The following FAM131A variants were observed in gnomAD, a reference collection of about 807,000 sequenced individuals.
FAM131A encodes the protein protein FAM131A.
Under a neutral mutation model 39.2 loss-of-function variants are expected in FAM131A, and 24 were observed. That is an observed-to-expected ratio of 0.61 (90% confidence interval 0.44 to 0.86). FAM131A has a LOEUF of 0.86. Among genes scored for constraint, FAM131A ranks in the 40% least tolerant of loss-of-function variants. FAM131A has a pLI of 0.00. For synonymous variants in FAM131A, 202 were observed against 206.8 expected, an observed-to-expected ratio of 0.98 and a Z score of 0.20; for missense variants, 373 against 481.2, an observed-to-expected ratio of 0.78 and a Z score of 2.10.
chr3:184,344,131 A>G (rs1224521527), intron 5 of FAM131A, among the ~76,000 whole-genome samples: 1 of 152,080 alleles, frequency 6.6e-6, no homozygotes, highest in Non-Finnish European at 1.5e-5. Context: ...GATTATAGGG[A>G]TGTGCCACCA....
chr3:184,342,001 C>A lies in FAM131A; in HGVS notation c.326-65C>A. Reference sequence around the variant, plus strand: ...ATCCTAACTACTGCCACCCTTCCACCTCCCTGCACCTGTGCTCCCTGGCCT... The same window carrying A: ...ATCCTAACTACTGCCACCCTTCCACATCCCTGCACCTGTGCTCCCTGGCCT... On this transcript the variant is annotated intron_variant, in intron 3 of 5. Transcript: ENST00000383847. This position sits in a 1 kb window ranked among gnomAD's most constrained non-coding sequence, Gnocchi z 4.6. The A allele has an allele frequency of 6.3e-7, 1 of 1,596,734 alleles. No individual in the cohort carries two copies. Among genetic ancestry groups the A allele is most frequent in the Non-Finnish European group, 8.6e-7 (1 of 1,164,156 alleles).
In FAM131A at chr3:184,342,675, C is replaced by G; in HGVS notation, c.509-69C>G. On this transcript the variant is annotated intron_variant, in intron 4 of 5. Transcript: ENST00000383847. The surrounding 1 kb of genome is among the most constrained non-coding windows in gnomAD (Gnocchi z 4.6). ...TCTTCCCATACCCTGTTTCTCCTCTCTCCTGTCTTCAAGCTGAGCCCTAGA... is the reference window on the plus strand; with the variant it reads ...TCTTCCCATACCCTGTTTCTCCTCTGTCCTGTCTTCAAGCTGAGCCCTAGA... 7.2e-7 allele frequency: 1 copy of G among 1,396,254 alleles called. No individual in the cohort carries two copies. The highest frequency in any genetic ancestry group is 1.0e-6 in the Non-Finnish European group (1 of 996,070). The allele number at this position is 1,396,254 out of a possible 1,614,324, so 86.5% of individuals were successfully genotyped here. A position where few individuals can be genotyped will look rare whatever the true frequency, so the allele number is the denominator to read the frequency against.
chr3:184,344,191 G>T (rs1462966183), intron 5 of FAM131A, among the ~76,000 whole-genome samples: 1 of 152,162 alleles, frequency 6.6e-6, no homozygotes, highest in African/African-American at 2.4e-5. Context: ...CTCCATGTTG[G>T]TCAGGCTGGT....
rs1273552969 is a variant in FAM131A, at chr3:184,345,663, CCCCCTAATGGGGCCTGGG to C, written c.*697_*714del. ...CATGTACCCTCCACCCTTTTCCTGG[CCCCCTAATGGGGCCTGGG>C]CCCTTTCCCAACCCCTCCTAGGATG... On this transcript the variant is annotated 3_prime_UTR_variant, in exon 6 of 6. Transcript: ENST00000383847. The C allele has an allele frequency of 3.0e-6, 2 of 677,346 alleles. No homozygotes were observed. Among genetic ancestry groups the C allele is most frequent in the Non-Finnish European group, 5.3e-6 (2 of 374,508 alleles). 42.0% of individuals were successfully genotyped at this position (677,346 alleles called of 1,614,324 possible).
chr3:184,338,416 T>C lies in FAM131A; in HGVS notation c.118T>C (p.Trp40Arg), dbSNP rs1727215591. The change falls in exon 2 of 6, where the codon TGG becomes CGG. Residue 40 changes from tryptophan (W) to arginine (R), a missense_variant. Physicochemically the swap from Trp to Arg is moderately radical, Grantham distance 101. Coordinates refer to ENST00000383847, the MANE Select transcript of FAM131A (RefSeq NM_144635.5). ...VSSDPAWAVEWIELPRGLSLS... is the reference protein window; with the variant it reads ...VSSDPAWAVERIELPRGLSLS... ...CTCGGACCCCGCTTGGGCTGTGGAG[T>C]GGATCGAACTTCCTCGGGGTCTCTC... The C allele has an allele frequency of 6.8e-7, 1 of 1,478,284 alleles. No individual in the cohort carries two copies. The highest frequency in any genetic ancestry group is 1.4e-5 in the African/African-American group (1 of 70,582). 91.6% of individuals were successfully genotyped at this position (1,478,284 alleles called of 1,614,324 possible).
At position 184,346,254 on chromosome 3, in the gene FAM131A, TA is replaced by T. The variant is rs1727658833; in HGVS notation, c.*1289del. On this transcript the variant is annotated 3_prime_UTR_variant, in exon 6 of 6. Transcript: ENST00000383847. This position sits in a 1 kb window ranked among gnomAD's most constrained non-coding sequence, Gnocchi z 6.0. ...AAGAATTTGTTTTATTAAATTAATA[TA>T]AAAATCTTTGTAAATCTCTATATAC... 3.5e-6 allele frequency: 1 copy of T among 284,372 alleles called. No homozygotes were observed. The allele number at this position is 284,372 out of a possible 1,614,324, so 17.6% of individuals were successfully genotyped here. A position where few individuals can be genotyped will look rare whatever the true frequency, so the allele number is the denominator to read the frequency against.
chr3:184,342,658 T>C lies in FAM131A; in HGVS notation c.509-86T>C. 1 of 1,223,496 alleles carries C rather than the reference T, an allele frequency of 8.2e-7. No individual in the cohort carries two copies. The allele number at this position is 1,223,496 out of a possible 1,614,324, so 75.8% of individuals were successfully genotyped here. Reference sequence around the variant, plus strand: ...TGACATGGGGGTTGGAGTCTTCCCATACCCTGTTTCTCCTCTCTCCTGTCT... The same window carrying C: ...TGACATGGGGGTTGGAGTCTTCCCACACCCTGTTTCTCCTCTCTCCTGTCT... On this transcript the variant is annotated intron_variant, in intron 4 of 5. Coordinates refer to ENST00000383847, the MANE Select transcript of FAM131A (RefSeq NM_144635.5). This position sits in a 1 kb window ranked among gnomAD's most constrained non-coding sequence, Gnocchi z 4.6.
In FAM131A at chr3:184,342,434, A is replaced by G. The variant is rs543224776; in HGVS notation, c.508+186A>G. 2.8e-4 allele frequency among the ~76,000 whole-genome samples: 43 copies of G among 152,176 alleles called. No homozygotes were observed. The highest frequency in any genetic ancestry group is 5.6e-4 in the Non-Finnish European group (38 of 67,986). On this transcript the variant is annotated intron_variant, in intron 4 of 5. Transcript: ENST00000383847. The surrounding 1 kb of genome is among the most constrained non-coding windows in gnomAD (Gnocchi z 4.6). ...GCGATTCTCCTGCCTCAGCCTCCCAAGTAGCTGGGATTACAGTTGCCTGCC... is the reference window on the plus strand; with the variant it reads ...GCGATTCTCCTGCCTCAGCCTCCCAGGTAGCTGGGATTACAGTTGCCTGCC...
chr3:184,341,931 C>A, intron 3 of FAM131A, 114 bp downstream of exon 3: 1 of 1,496,736 alleles, frequency 6.7e-7, no homozygotes, highest in Non-Finnish European at 9.3e-7. Context: ...TCTTCCCTTG[C>A]TCAGGTGAAT....
In FAM131A at chr3:184,345,099, TCTC is replaced by T. The variant is rs1727579338; in HGVS notation, c.*131_*133del. The T allele has an allele frequency of 2.3e-6, 2 of 878,958 alleles. No homozygotes were observed. The highest frequency in any genetic ancestry group is 3.4e-5 in the African/African-American group (2 of 59,102). 54.4% of individuals were successfully genotyped at this position (878,958 alleles called of 1,614,324 possible). ...TAGAGGGCTCCTGGGAGCGCTCGCT[TCTC>T]CGTTGTGTGTTTTGCATGAAAGTGT... On this transcript the variant is annotated 3_prime_UTR_variant, in exon 6 of 6. Transcript: ENST00000383847.
rs894931526 is a variant in FAM131A at position 184,342,620 on chromosome 3, A to G, written c.509-124A>G. The G allele has an allele frequency of 8.3e-6, 7 of 845,916 alleles. No individual in the cohort carries two copies. The highest frequency in any genetic ancestry group is 1.7e-5 in the South Asian group (1 of 58,880). The allele number at this position is 845,916 out of a possible 1,614,324, so 52.4% of individuals were successfully genotyped here. On this transcript the variant is annotated intron_variant, in intron 4 of 5. Coordinates refer to ENST00000383847, the MANE Select transcript of FAM131A (RefSeq NM_144635.5). This position sits in a 1 kb window ranked among gnomAD's most constrained non-coding sequence, Gnocchi z 4.6. Reference sequence around the variant, plus strand: ...CACACCCGGCCAGGGCTGCTTTCTTATCTCCTCGGGTCTGACATGGGGGTT... The same window carrying G: ...CACACCCGGCCAGGGCTGCTTTCTTGTCTCCTCGGGTCTGACATGGGGGTT...
chr3:184,341,818 G>T lies in FAM131A; in HGVS notation c.325+1G>T. On this transcript the variant is annotated splice_donor_variant, in intron 3 of 5. Coordinates refer to ENST00000383847, the MANE Select transcript of FAM131A (RefSeq NM_144635.5). LOFTEE classifies it high-confidence loss of function. Reference sequence around the variant, plus strand: ...GCGCTGGCCAGGTCCTCCCTGCATGGTATGCAGCCCCTCCCATGTTTCTGG... The same window carrying T: ...GCGCTGGCCAGGTCCTCCCTGCATGTTATGCAGCCCCTCCCATGTTTCTGG... 6.2e-7 allele frequency: 1 copy of T among 1,613,978 alleles called. No individual in the cohort carries two copies. Among genetic ancestry groups the T allele is most frequent in the Non-Finnish European group, 8.5e-7 (1 of 1,179,846 alleles).
Position 184,342,280 on chromosome 3 carries a change from T to G in FAM131A, c.508+32T>G, listed in dbSNP as rs371092672. The stretch of plus-strand genomic sequence containing the variant: ...GGCAGAAAGGGGATAAGCTACACTC[T>G]TGGCACAGGGCTGCTTTCTTTCTTT... On this transcript the variant is annotated intron_variant, in intron 4 of 5. Coordinates refer to ENST00000383847, the MANE Select transcript of FAM131A (RefSeq NM_144635.5). This position sits in a 1 kb window ranked among gnomAD's most constrained non-coding sequence, Gnocchi z 4.6. 4 of 1,555,226 alleles carry G rather than the reference T, an allele frequency of 2.6e-6. No individual in the cohort carries two copies. In the African/African-American group the frequency reaches 5.5e-5, roughly 21 times the overall value.
At chr3:184,340,723 G>T (rs919616967) in intron 2 of FAM131A, 1 of 152,320 alleles carries the variant, frequency 6.6e-6, no homozygotes, top group African/African-American at 2.4e-5. Context: ...AAGAGCCAAA[G>T]ACCAGTGAGG....
In FAM131A at chr3:184,345,368, CCT is replaced by C; in HGVS notation, c.*405_*406del. 1 of 604,940 alleles carries C rather than the reference CCT, an allele frequency of 1.7e-6. No individual in the cohort carries two copies. The highest frequency in any genetic ancestry group is 2.9e-6 in the Non-Finnish European group (1 of 341,958). 37.5% of individuals were successfully genotyped at this position (604,940 alleles called of 1,614,324 possible). ...CCAGCAACCCCCCACCCTCCCCATGCCTCTCTCTTCTCTGCTTTTCTTCTCAC... is the reference window on the plus strand; with the variant it reads ...CCAGCAACCCCCCACCCTCCCCATGCCTCTCTTCTCTGCTTTTCTTCTCAC... On this transcript the variant is annotated 3_prime_UTR_variant, in exon 6 of 6. Coordinates refer to ENST00000383847, the MANE Select transcript of FAM131A (RefSeq NM_144635.5).
chr3:184,338,631 C>G, intron 2 of FAM131A, 102 bp downstream of exon 2: 1 of 1,461,340 alleles, frequency 6.8e-7, no homozygotes, highest in Non-Finnish European at 9.1e-7. Flanking sequence ...GCTCCCTTTT[C>G]CGGCGGGCGG....
chr3:184,338,341 T>C, intron 1 of FAM131A, 46 bp from the exon 2 acceptor site: 1 of 1,413,772 alleles, frequency 7.1e-7, no homozygotes, highest in East Asian at 2.6e-5. Flanking sequence ...TGGGGATCTC[T>C]GCAGAAGTAG....
intron 2 of FAM131A, chr3:184,339,897 T>C (rs2108542963): frequency 6.6e-6 from 1 of 152,616 alleles, no homozygotes; most frequent in East Asian, 1.9e-4. Context: ...GACAGTAGCG[T>C]AGGCTAGACA....
upstream of FAM131A, among the ~76,000 whole-genome samples, chr3:184,336,883 G>A (rs571364313): frequency 3.3e-5 from 5 of 152,374 alleles, no homozygotes; most frequent in South Asian, 4.1e-4. The surrounding 1 kb of genome is among the most constrained non-coding windows in gnomAD (Gnocchi z 5.5). Flanking sequence ...GGGCCTGGCC[G>A]TAGTCCTGTG....
Sources: allele counts gnomAD v4.1 joint callset (sites outside exome capture counted in the v4.1 genomes callset), GRCh38; gene constraint gnomAD v4.1.1; non-coding constraint Gnocchi (gnomAD v3.1); transcripts MANE v1.5; gene names NCBI Gene and HGNC (gene_info 2026-07-23, HGNC 2026-07-21).